Variants in KIF17 observed in about 807,000 individuals in gnomAD.
The protein encoded by KIF17 is kinesin-like protein KIF17.
Under a neutral mutation model 96.8 loss-of-function variants are expected in KIF17, and 80 were observed. The observed-to-expected ratio is 0.83, with a 90% CI of 0.69 to 1.00. The LOEUF (loss-of-function observed/expected upper bound fraction) is 1.00. Among genes scored for constraint, KIF17 ranks in the 50% least tolerant of loss-of-function variants. The probability of loss-of-function intolerance (pLI) is 0.00; values close to 1 mark genes in which losing one functional copy is unlikely to be tolerated. For missense variants in KIF17, 1,280 were observed against 1,372.9 expected (o/e 0.93, Z 1.07); for synonymous variants, 567 against 587.5 (o/e 0.97, Z 0.51).
intron 3 of KIF17, among the ~76,000 whole-genome samples, chr1:20,710,341 G>A (rs765219887): frequency 6.6e-6 from 1 of 152,102 alleles, no homozygotes; most frequent in Non-Finnish European, 1.5e-5. Flanking sequence ...CCCCTCTGCC[G>A]TGGCTCTAGA....
chr1:20,706,900 GAAAGA>G, intron 4 of KIF17, among the ~76,000 whole-genome samples: 1 of 136,850 alleles, frequency 7.3e-6, no homozygotes, highest in Non-Finnish European at 1.6e-5. Flanking sequence ...AAAAAAAAAA[GAAAGA>G]AAAGTAAAAG....
At position 20,698,512 on chromosome 1, in the gene KIF17, AG is replaced by A. The variant is rs755864020; in HGVS notation, c.1124-25del. The A allele has an allele frequency of 2.4e-5, 36 of 1,493,648 alleles. No homozygotes were observed. In the South Asian group the frequency reaches 3.6e-4, roughly 15 times the overall value. The allele number at this position is 1,493,648 out of a possible 1,614,324, so 92.5% of individuals were successfully genotyped here. On this transcript the variant is annotated intron_variant, in intron 5 of 14. Transcript: ENST00000400463. ...GGCTGGGGGAGAAACAGAAATTAGC[AG>A]CCAGGATGAGGGGCACATTGTGTGC... is the stretch of plus-strand genomic sequence containing the variant.
intron 13 of KIF17, 48 bp downstream of exon 13, chr1:20,670,373 A>G: frequency 6.4e-7 from 1 of 1,551,112 alleles, no homozygotes; most frequent in Non-Finnish European, 8.9e-7. Flanking sequence ...ACTGGGGGCA[A>G]AGCCCTCCCA....
chr1:20,709,765 C>T lies in KIF17; in HGVS notation c.544G>A (p.Val182Met), dbSNP rs377444908. 65 of 1,614,086 alleles carry T rather than the reference C, an allele frequency of 4.0e-5. No individual in the cohort carries two copies. The Admixed American group carries it at 4.3e-4, about 11-fold the overall frequency. ...TCCATGATGTGCTCACACTGGGCCA[C>T]GCTGTGCACCGTGTGCATGGACAGC... Reference protein sequence around the residue: ...KGLSMHTVHSVAQCEHIMETG... With the variant: ...KGLSMHTVHSMAQCEHIMETG... The change falls in exon 4 of 15, where the codon GTG (valine) becomes ATG (methionine). Residue 182 changes from valine (V) to methionine (M), a missense_variant. Transcript: ENST00000400463. This position sits in a 1 kb window ranked among gnomAD's most constrained non-coding sequence, Gnocchi z 4.7.
At position 20,715,481 on chromosome 1, in the gene KIF17, C is replaced by T. The variant is rs779211229; in HGVS notation, c.378+12G>A. 3.7e-6 allele frequency: 6 copies of T among 1,610,950 alleles called. No individual in the cohort carries two copies. The highest frequency in any genetic ancestry group is 4.2e-6 in the Non-Finnish European group (5 of 1,179,970). ...GCTCTGGCCCTGCCCCTTCCCTCTG[C>T]GAGGCCCGTACCTGGACGCTCTCGA... On this transcript the variant is annotated intron_variant, in intron 2 of 14. Coordinates refer to ENST00000400463, the MANE Select transcript of KIF17 (RefSeq NM_001122819.3).
intron 4 of KIF17, among the ~76,000 whole-genome samples, chr1:20,707,811 G>A (rs1038433786): frequency 3.4e-5 from 5 of 146,364 alleles, no homozygotes; most frequent in African/African-American, 1.3e-4. Context: ...GTGTGTGTGT[G>A]TGTGTGTGTG....
chr1:20,690,352 G>GGGGGC lies in KIF17; in HGVS notation c.1234-18_1234-17insGCCCC. The GGGGGC allele has an allele frequency of 4.4e-6, 2 of 451,158 alleles. No individual in the cohort carries two copies. Among genetic ancestry groups the GGGGGC allele is most frequent in the Non-Finnish European group, 8.5e-6 (2 of 235,140 alleles). 27.9% of individuals were successfully genotyped at this position (451,158 alleles called of 1,614,324 possible). A position where few individuals can be genotyped will look rare whatever the true frequency, so the allele number is the denominator to read the frequency against. On this transcript the variant is annotated splice_polypyrimidine_tract_variant and intron_variant, in intron 6 of 14. Transcript: ENST00000400463. ...TTCATACTCCTGGGGGGGTGGGAGG[G>GGGGGC]ACCAGAGGGCAGGCAGCATTTTATC...
Position 20,709,514 on chromosome 1 carries a change from C to G in KIF17, c.670+125G>C. On this transcript the variant is annotated intron_variant, in intron 4 of 14. Transcript: ENST00000400463. This position sits in a 1 kb window ranked among gnomAD's most constrained non-coding sequence, Gnocchi z 4.7. The stretch of plus-strand genomic sequence containing the variant: ...TCCCAAGGGTCCTCTTGGGTTTCCT[C>G]CAGGCTGTTAGAGCATCTCTTCCCA... The G allele has an allele frequency of 9.5e-7, 1 of 1,057,538 alleles. No individual in the cohort carries two copies. Among genetic ancestry groups the G allele is most frequent in the Non-Finnish European group, 1.4e-6 (1 of 690,618 alleles). 65.5% of individuals were successfully genotyped at this position (1,057,538 alleles called of 1,614,324 possible). A position where few individuals can be genotyped will look rare whatever the true frequency, so the allele number is the denominator to read the frequency against.
At chr1:20,666,932 T>G (rs569188162) in intron 13 of KIF17, among the ~76,000 whole-genome samples, 7 of 152,322 alleles carry the variant, frequency 4.6e-5, no homozygotes, top group African/African-American at 1.7e-4. Flanking sequence ...GTTACACAGC[T>G]GGACATGTGA....
intron 6 of KIF17, chr1:20,693,096 T>C (rs1404552424): frequency 1.3e-5 from 2 of 152,210 alleles, no homozygotes; most frequent in African/African-American, 2.4e-5. Context: ...TTTCTTCTTC[T>C]TGGAGCTGAT....
downstream of KIF17, among the ~76,000 whole-genome samples, chr1:20,663,704 A>G (rs1281919852): frequency 6.6e-6 from 1 of 152,204 alleles, no homozygotes; most frequent in African/African-American, 2.4e-5. Context: ...TGGCTATATC[A>G]GGACACCCAG....
In KIF17 at chr1:20,682,635, G is replaced by A. The variant is rs369600051; in HGVS notation, c.2463+18C>T. The A allele has an allele frequency of 8.4e-5, 135 of 1,609,450 alleles. No homozygotes were observed. The highest frequency in any genetic ancestry group is 3.2e-4 in the Admixed American group (19 of 59,990). ...ATCTCTGGGCAGCTGGGCATGGGGG[G>A]CTGCATCTGGGCCTCACCTTCCTCT... On this transcript the variant is annotated intron_variant, in intron 11 of 14. Coordinates refer to ENST00000400463, the MANE Select transcript of KIF17 (RefSeq NM_001122819.3).
Position 20,709,597 on chromosome 1 carries a change from T to C in KIF17, c.670+42A>G. ...GCGTGCCTTGGCTAGTGGGAGTGGC[T>C]GGGTCATCTGTCCCCCTGCCCCCAA... On this transcript the variant is annotated intron_variant, in intron 4 of 14. Transcript: ENST00000400463. This position sits in a 1 kb window ranked among gnomAD's most constrained non-coding sequence, Gnocchi z 4.7. 6.2e-7 allele frequency: 1 copy of C among 1,609,228 alleles called. No individual in the cohort carries two copies. The highest frequency in any genetic ancestry group is 1.3e-5 in the African/African-American group (1 of 74,932).
intron 1 of KIF17, among the ~76,000 whole-genome samples, chr1:20,716,403 G>A (rs888397129): frequency 3.3e-5 from 5 of 152,260 alleles, no homozygotes; most frequent in South Asian, 2.1e-4. Flanking sequence ...AGCTGGACAC[G>A]TACAGGTGAT....
In KIF17 at chr1:20,682,852, C is replaced by G; in HGVS notation, c.2264G>C (p.Gly755Ala). ...LQLLEQQVVG[G>A]EQAKNKDLKE... ...CAGGTCCTTGTTCTTGGCCTGCTCT[C>G]CACCCACAACCTGCTGCTCCAACAG... The change falls in exon 11 of 15, where the codon GGA becomes GCA. Residue 755 changes from glycine to alanine, a missense_variant. Coordinates refer to ENST00000400463, the MANE Select transcript of KIF17 (RefSeq NM_001122819.3). 6.2e-7 allele frequency: 1 copy of G among 1,611,826 alleles called. No individual in the cohort carries two copies. Among genetic ancestry groups the G allele is most frequent in the South Asian group, 1.1e-5 (1 of 91,088 alleles).
intron 1 of KIF17, among the ~76,000 whole-genome samples, chr1:20,717,127 G>C (rs1015448524): frequency 2.6e-5 from 4 of 152,134 alleles, no homozygotes; most frequent in African/African-American, 9.7e-5. Flanking sequence ...TCAGGAGTTC[G>C]AGACCAGCCT....
intron 5 of KIF17, among the ~76,000 whole-genome samples, chr1:20,701,780 G>A (rs191155112): frequency 1.4e-4 from 22 of 152,326 alleles, no homozygotes; most frequent in East Asian, 5.8e-4. Flanking sequence ...CGGGCTCCAC[G>A]ACAGGAGGCC....
At chr1:20,701,952 AG>A (rs1250818476) in intron 5 of KIF17, among the ~76,000 whole-genome samples, 12 of 152,164 alleles carry the variant, frequency 7.9e-5, no homozygotes, top group Admixed American at 7.9e-4. Flanking sequence ...ACCAGGGCTA[AG>A]GGGGAAATGT....
intron 6 of KIF17, among the ~76,000 whole-genome samples, chr1:20,691,624 A>ATTTTTTTTTTTTTTTTTTTTT: frequency 8.1e-6 from 1 of 122,990 alleles, no homozygotes; most frequent in Non-Finnish European, 1.7e-5. Flanking sequence ...ACGTCTGGCT[A>ATTTTTTTTTTTTTTTTTTTTT]TTTTTTTTTT....
Sources: allele counts gnomAD v4.1 joint callset (sites outside exome capture counted in the v4.1 genomes callset), GRCh38; gene constraint gnomAD v4.1.1; non-coding constraint Gnocchi (gnomAD v3.1); transcripts MANE v1.5; gene names NCBI Gene and HGNC (gene_info 2026-07-23, HGNC 2026-07-21).